Variants in AKAP13 observed in about 807,000 individuals in gnomAD.
AKAP13 encodes the protein A-kinase anchoring protein 13, also known as A-kinase anchor protein 13.
A neutral mutation model predicts 264.5 loss-of-function variants in AKAP13; 80 were observed. That is an observed-to-expected ratio of 0.30 (90% CI 0.25 to 0.36). The LOEUF (loss-of-function observed/expected upper bound fraction) is 0.36, where lower values mean the gene tolerates loss of function less well. Among genes scored for constraint, AKAP13 ranks in the 10% least tolerant of loss-of-function variants. AKAP13 has a pLI of 1.00. For synonymous variants in AKAP13, 1,380 were observed against 1,250.2 expected (o/e 1.10, Z -2.19); for missense variants, 3,712 against 3,435.2 (o/e 1.08, Z -2.01).
At chr15:85,537,459 T>A (rs758341205) in intron 4 of AKAP13, among the ~76,000 whole-genome samples, 1 of 152,218 alleles carries the variant, frequency 6.6e-6, no homozygotes, top group Non-Finnish European at 1.5e-5. Flanking sequence ...TCCTACTGTT[T>A]TAATTGTTTA....
chr15:85,720,899 T>C (rs1164433663), intron 23 of AKAP13, among the ~76,000 whole-genome samples: 1 of 152,190 alleles, frequency 6.6e-6, no homozygotes, highest in Non-Finnish European at 1.5e-5. Flanking sequence ...GGAGTAAAAG[T>C]AAGCATGTTA....
intron 33 of AKAP13, among the ~76,000 whole-genome samples, chr15:85,736,483 G>A (rs188378444): frequency 2.2e-4 from 33 of 152,172 alleles, no homozygotes; most frequent in South Asian, 1.0e-3. Flanking sequence ...CGCCCAGCTC[G>A]CTGCAACCTC....
At chr15:85,461,931 T>C (rs576653165) in intron 1 of AKAP13, among the ~76,000 whole-genome samples, 2 of 152,330 alleles carry the variant, frequency 1.3e-5, no homozygotes, top group South Asian at 2.1e-4. Flanking sequence ...TTAAATGAAA[T>C]AAAATTACTG....
chr15:85,668,182 T>G (rs777904028), intron 13 of AKAP13, among the ~76,000 whole-genome samples: 1 of 152,218 alleles, frequency 6.6e-6, no homozygotes, highest in Non-Finnish European at 1.5e-5. Context: ...ACATAGCAAC[T>G]GTTTGCCTCA....
rs116178459 is a variant in AKAP13 at position 85,579,321 on chromosome 15, G to C, written c.1253G>C (p.Cys418Ser). 7.9e-5 allele frequency: 128 copies of C among 1,614,230 alleles called. No homozygotes were observed. The highest frequency in any genetic ancestry group is 1.1e-4 in the Non-Finnish European group (124 of 1,180,040). The change falls in exon 7 of 37, where the codon TGT becomes TCT. Residue 418 changes from cysteine (C) to serine (S), a missense_variant. Physicochemically the swap from Cys to Ser is moderately radical, Grantham distance 112 (BLOSUM62 -1). Transcript: ENST00000394518. ...GVKGTEGLSS[C>S]GNRNEETGTK... ...AAGGGCACGGAAGGCCTTTCGTCCT[G>C]TGGAAACAGAAATGAAGAAACTGGA...
intron 8 of AKAP13, among the ~76,000 whole-genome samples, chr15:85,629,829 G>T (rs1219390112): frequency 7.8e-6 from 1 of 128,008 alleles, no homozygotes; most frequent in South Asian, 2.5e-4. Context: ...ACCCAGGCTG[G>T]AGTGCAGCAG....
chr15:85,444,098 A>T (rs2073815289), intron 1 of AKAP13, among the ~76,000 whole-genome samples: 1 of 152,080 alleles, frequency 6.6e-6, no homozygotes, highest in African/African-American at 2.4e-5. Context: ...GGGAGGTGGG[A>T]TATTTGGACA....
At chr15:85,699,421 G>T (rs921077038) in intron 17 of AKAP13, among the ~76,000 whole-genome samples, 6 of 150,478 alleles carry the variant, frequency 4.0e-5, no homozygotes, top group Non-Finnish European at 8.8e-5. Flanking sequence ...TTTAGCGTGC[G>T]CAACAAGAGT....
At chr15:85,555,391 G>A in intron 5 of AKAP13, 1 of 1,278,362 alleles carries the variant, frequency 7.8e-7, no homozygotes, top group Admixed American at 2.3e-5. Flanking sequence ...GCCTTTAGGA[G>A]GGGTAACCAG....
intron 1 of AKAP13, among the ~76,000 whole-genome samples, chr15:85,467,239 T>C (rs1001463100): frequency 2.6e-5 from 4 of 152,238 alleles, no homozygotes; most frequent in African/African-American, 9.6e-5. Context: ...TTTGATGTAG[T>C]TGATTCTAAA....
At chr15:85,733,873 CTTTTTT>C (rs72092500) in intron 30 of AKAP13, among the ~76,000 whole-genome samples, 3 of 82,592 alleles carry the variant, frequency 3.6e-5, no homozygotes, top group South Asian at 3.9e-4. Flanking sequence ...TCTTTCTTTT[CTTTTTT>C]TTTTTTTTTT....
chr15:85,697,657 A>G (rs2085643473), intron 17 of AKAP13, among the ~76,000 whole-genome samples: 1 of 152,246 alleles, frequency 6.6e-6, no homozygotes, highest in Admixed American at 6.5e-5. Flanking sequence ...TAGATTTAAA[A>G]ACAACTGAGT....
At chr15:85,384,488 G>A (rs1331288200) in intron 1 of AKAP13, among the ~76,000 whole-genome samples, 3 of 152,096 alleles carry the variant, frequency 2.0e-5, no homozygotes, top group South Asian at 4.2e-4. Flanking sequence ...AGGCTGAGGC[G>A]GGCGGATCAC....
intron 1 of AKAP13, among the ~76,000 whole-genome samples, chr15:85,392,857 A>T (rs1048238818): frequency 1.3e-5 from 2 of 152,250 alleles, no homozygotes; most frequent in East Asian, 3.8e-4. Flanking sequence ...TGAACTGAGC[A>T]TGAAGTTGTT....
chr15:85,656,570 C>T (rs2083104908), intron 11 of AKAP13, among the ~76,000 whole-genome samples: 1 of 152,178 alleles, frequency 6.6e-6, no homozygotes, highest in Admixed American at 6.5e-5. Context: ...CCTCAGTCTC[C>T]CAAGTAGCTG....
chr15:85,460,883 G>A (rs2074483236), intron 1 of AKAP13, among the ~76,000 whole-genome samples: 1 of 152,034 alleles, frequency 6.6e-6, no homozygotes, highest in African/African-American at 2.4e-5. Context: ...TAGCTCAGAT[G>A]GCACCTTGAT....
chr15:85,744,942 A>C lies in AKAP13; in HGVS notation c.*265A>C. 7.8e-6 allele frequency: 3 copies of C among 383,692 alleles called. No individual in the cohort carries two copies. Among genetic ancestry groups the C allele is most frequent in the Non-Finnish European group, 1.4e-5 (3 of 214,472 alleles). 23.8% of individuals were successfully genotyped at this position (383,692 alleles called of 1,614,324 possible). ...TGGCCCTACTCAGGATTACACTGAA[A>C]GTAATGGCCTCGTAAGTACAGGTGA... On this transcript the variant is annotated 3_prime_UTR_variant, in exon 37 of 37. Coordinates refer to ENST00000394518, the MANE Select transcript of AKAP13 (RefSeq NM_007200.5).
At chr15:85,617,406 G>A (rs1480232261) in intron 8 of AKAP13, among the ~76,000 whole-genome samples, 1 of 152,292 alleles carries the variant, frequency 6.6e-6, no homozygotes, top group East Asian at 1.9e-4. Flanking sequence ...AACATGCCTG[G>A]CTAATTTTTG....
chr15:85,649,927 A>C (rs1005572358), intron 10 of AKAP13, among the ~76,000 whole-genome samples: 4 of 152,146 alleles, frequency 2.6e-5, no homozygotes, highest in African/African-American at 9.7e-5. Flanking sequence ...TGTCTTCCCA[A>C]AGAGAGGTAA....
Sources: gnomAD v4.1 joint callset for allele counts (sites outside exome capture counted in the v4.1 genomes callset) on GRCh38, gnomAD v4.1.1 for gene constraint, MANE v1.5 for transcripts, NCBI Gene and HGNC (gene_info 2026-07-23, HGNC 2026-07-21) for gene names.